The following TEX29 variants were observed in gnomAD, a reference collection of about 807,000 sequenced individuals.
The protein encoded by TEX29 is testis-expressed protein 29.
A neutral mutation model predicts 18.2 loss-of-function variants in TEX29; 26 were observed. The ratio of observed to expected loss-of-function variants is 1.43; its 90% confidence interval spans 1.04 to 1.98. TEX29 has a LOEUF of 1.98. Among genes scored for constraint, TEX29 ranks in the 30% most tolerant of loss-of-function variants. The pLI is 0.00. For synonymous variants in TEX29, 83 were observed against 78.5 expected (o/e 1.06, Z -0.31); for missense variants, 177 against 194.2 (o/e 0.91, Z 0.53).
chr13:111,330,526 G>A (rs1475529241), intron 3 of TEX29, among the ~76,000 whole-genome samples: 5 of 152,154 alleles, frequency 3.3e-5, no homozygotes, highest in East Asian at 1.9e-4. Context: ...AGGATCTCAC[G>A]CCTTCCTCTG....
At chr13:111,334,204 G>C (rs1010776311) in intron 3 of TEX29, among the ~76,000 whole-genome samples, 7 of 152,148 alleles carry the variant, frequency 4.6e-5, no homozygotes, top group African/African-American at 1.4e-4. Flanking sequence ...TAGCACCTCT[G>C]AGAATCGGGT....
intron 3 of TEX29, 122 bp downstream of exon 3, chr13:111,328,415 T>C: frequency 1.5e-6 from 1 of 687,952 alleles, no homozygotes; most frequent in Non-Finnish European, 2.6e-6. Context: ...TTTGTATTGT[T>C]CTCTGGCCAA....
Position 111,328,300 on chromosome 13 carries a change from A to G in TEX29, c.169+7A>G. On this transcript the variant is annotated splice_region_variant and intron_variant, in intron 3 of 5. Coordinates refer to ENST00000283547, the MANE Select transcript of TEX29 (RefSeq NM_152324.3). The stretch of plus-strand genomic sequence containing the variant: ...TACAAGAAAGCGGTTCCCAGTGAGT[A>G]GACGCCCCGGCCACCCCGTGGCGGA... 7 of 1,607,996 alleles carry G rather than the reference A, an allele frequency of 4.4e-6. No individual in the cohort carries two copies. Among genetic ancestry groups the G allele is most frequent in the Non-Finnish European group, 6.0e-6 (7 of 1,175,482 alleles).
chr13:111,326,337 C>CTGTGG (rs1567159598), intron 2 of TEX29, among the ~76,000 whole-genome samples: 3 of 22,770 alleles, frequency 1.3e-4, no homozygotes, highest in Non-Finnish European at 1.9e-4. Context: ...CTGCGGGCAA[C>CTGTGG]GCGAGCCTGG....
intron 3 of TEX29, among the ~76,000 whole-genome samples, chr13:111,328,997 G>A (rs890004447): frequency 6.6e-6 from 1 of 152,220 alleles, no homozygotes; most frequent in African/African-American, 2.4e-5. Flanking sequence ...GATGGCCTGC[G>A]CGTGAAGGGC....
At chr13:111,325,115 C>A (rs2093670656) in intron 2 of TEX29, among the ~76,000 whole-genome samples, 1 of 152,210 alleles carries the variant, frequency 6.6e-6, no homozygotes, top group Non-Finnish European at 1.5e-5. Context: ...TGGCTTCTCC[C>A]AGGAAGCACT....
At chr13:111,335,371 A>G (rs911613610) in intron 3 of TEX29, among the ~76,000 whole-genome samples, 2 of 152,182 alleles carry the variant, frequency 1.3e-5, no homozygotes, top group South Asian at 2.1e-4. Context: ...CAGGCCTTCC[A>G]GTGTTGAACG....
chr13:111,335,425 T>G (rs988247700), intron 3 of TEX29, among the ~76,000 whole-genome samples: 2 of 152,252 alleles, frequency 1.3e-5, no homozygotes, highest in Non-Finnish European at 2.9e-5. Context: ...CTCTGAGGCA[T>G]GTGGCAGTAC....
chr13:111,334,553 C>T (rs999486749), intron 3 of TEX29, among the ~76,000 whole-genome samples: 3 of 152,366 alleles, frequency 2.0e-5, no homozygotes, highest in Non-Finnish European at 1.5e-5. Context: ...AAGCCCACAG[C>T]ACTGGACATG....
intron 2 of TEX29, among the ~76,000 whole-genome samples, chr13:111,325,828 T>C (rs974853714): frequency 6.6e-6 from 1 of 152,238 alleles, no homozygotes; most frequent in South Asian, 2.1e-4. Flanking sequence ...TGTAGTGATA[T>C]TGAAGAGAAC....
chr13:111,327,849 C>G (rs919949038), intron 2 of TEX29, among the ~76,000 whole-genome samples: 1 of 152,234 alleles, frequency 6.6e-6, no homozygotes, highest in East Asian at 1.9e-4. Flanking sequence ...CGTTCCCTCC[C>G]GAACTCCCAA....
At chr13:111,323,354 G>A (rs74705581) in intron 2 of TEX29, among the ~76,000 whole-genome samples, 17,243 of 152,288 alleles carry the variant, frequency 0.11, 1,019 homozygotes, top group South Asian at 0.19. Context: ...GGGAAGAGGC[G>A]TGTGTGGGGC....
intron 5 of TEX29, 81 bp from the exon 6 acceptor site, chr13:111,344,002 G>T (rs2093700799): frequency 2.4e-6 from 3 of 1,235,720 alleles, no homozygotes; most frequent in Non-Finnish European, 2.4e-6. Flanking sequence ...ATGTAGATGG[G>T]TTCAAAGATC....
intron 3 of TEX29, chr13:111,339,387 C>A: frequency 2.2e-6 from 1 of 455,432 alleles, no homozygotes. Context: ...TCTCTCCACG[C>A]ACCCCCAGGG....
intron 3 of TEX29, among the ~76,000 whole-genome samples, chr13:111,328,710 C>T (rs1390923243): frequency 1.3e-5 from 2 of 152,198 alleles, no homozygotes; most frequent in Non-Finnish European, 2.9e-5. Context: ...GGACCTTGTC[C>T]ACCAGGGGCT....
At chr13:111,334,022 T>C (rs1296929291) in intron 3 of TEX29, among the ~76,000 whole-genome samples, 1 of 152,220 alleles carries the variant, frequency 6.6e-6, no homozygotes. Flanking sequence ...GTTCTTTGAA[T>C]ATGCTTAAAA....
At chr13:111,319,851 T>G (rs1011150427), upstream of TEX29, among the ~76,000 whole-genome samples, 2 of 152,232 alleles carry the variant, frequency 1.3e-5, no homozygotes, top group Non-Finnish European at 2.9e-5. Flanking sequence ...GCCTGCCTTC[T>G]TCCTCATGAG....
Position 111,339,935 on chromosome 13 carries a change from C to T in TEX29, c.239+3C>T, listed in dbSNP as rs537123547. On this transcript the variant is annotated splice_donor_region_variant and intron_variant, in intron 4 of 5. Coordinates refer to ENST00000283547, the MANE Select transcript of TEX29 (RefSeq NM_152324.3). ...TTCGTCATCACCATCATCTACAGGT[C>T]GGTCCCTTTGTTCTTTACTGGGAGG... 7 of 1,578,010 alleles carry T rather than the reference C, an allele frequency of 4.4e-6. No homozygotes were observed. The highest frequency in any genetic ancestry group is 2.8e-5 in the African/African-American group (2 of 71,930).
intron 3 of TEX29, among the ~76,000 whole-genome samples, chr13:111,334,056 A>G (rs1232855454): frequency 1.3e-5 from 2 of 152,234 alleles, no homozygotes; most frequent in Non-Finnish European, 2.9e-5. Context: ...GTCTTTGTCA[A>G]GTAAGTCCAA....
Sources: gnomAD v4.1 joint callset for allele counts (sites outside exome capture counted in the v4.1 genomes callset) on GRCh38, gnomAD v4.1.1 for gene constraint, MANE v1.5 for transcripts, NCBI Gene and HGNC (gene_info 2026-07-23, HGNC 2026-07-21) for gene names.